SYN3: variants seen among roughly 807,000 people sequenced by gnomAD.
SYN3 encodes the protein synapsin III.
Under a neutral mutation model 65.8 loss-of-function variants are expected in SYN3, and 35 were observed. The ratio of observed to expected loss-of-function variants is 0.53; its 90% CI spans 0.41 to 0.70. The LOEUF is 0.70. SYN3 is among the 30% of genes least tolerant of loss of function. The probability of loss-of-function intolerance (pLI) is 0.00; values close to 1 mark genes in which losing one functional copy is unlikely to be tolerated. For missense variants in SYN3, 680 were observed against 749.0 expected (o/e 0.91, Z 1.08); for synonymous variants, 270 against 292.9 (o/e 0.92, Z 0.80).
At chr22:32,729,943 C>T (rs866549254) in intron 6 of SYN3, among the ~76,000 whole-genome samples, 4 of 152,226 alleles carry the variant, frequency 2.6e-5, no homozygotes, top group Middle Eastern at 3.4e-3. Context: ...AATAGTGTGC[C>T]CTAAACATAG....
rs199827385 is a variant in SYN3, at chr22:32,546,704, A to G, written c.775-4991T>C. ...TTATTTACTGGCTGGAAATCCCTCC[A>G]AGGGTTCACAAAGACAAGCTGAAAA... On this transcript the variant is annotated intron_variant, in intron 7 of 13. Coordinates refer to ENST00000358763, the MANE Select transcript of SYN3 (RefSeq NM_003490.4). 1.2e-4 allele frequency among the ~76,000 whole-genome samples: 18 copies of G among 152,214 alleles called. No individual in the cohort carries two copies. In the East Asian group the frequency reaches 3.5e-3, roughly 29 times the overall value.
At chr22:32,887,871 G>A (rs1190597786) in intron 4 of SYN3, among the ~76,000 whole-genome samples, 3 of 152,162 alleles carry the variant, frequency 2.0e-5, no homozygotes, top group Non-Finnish European at 4.4e-5. Flanking sequence ...AGGTCTAGAG[G>A]AGAATGGTTG....
intron 4 of SYN3, among the ~76,000 whole-genome samples, chr22:32,913,601 T>C (rs559321036): frequency 3.9e-5 from 6 of 152,180 alleles, no homozygotes; most frequent in Non-Finnish European, 8.8e-5. Context: ...GGGCAAGTTA[T>C]AGAAGCTCTG....
chr22:32,804,745 C>G (rs1022943188), intron 6 of SYN3, among the ~76,000 whole-genome samples: 2 of 152,190 alleles, frequency 1.3e-5, no homozygotes, highest in African/African-American at 2.4e-5. Context: ...GCCCTGCACC[C>G]TATGGAAGTG....
At chr22:32,523,950 AAAG>A (rs1181748242) in intron 12 of SYN3, among the ~76,000 whole-genome samples, 2 of 152,234 alleles carry the variant, frequency 1.3e-5, no homozygotes, top group African/African-American at 4.8e-5. Flanking sequence ...AGTGGTCTGG[AAAG>A]AAGATCAAAC....
chr22:32,882,986 T>A (rs1321507511), intron 4 of SYN3, among the ~76,000 whole-genome samples: 2 of 152,106 alleles, frequency 1.3e-5, no homozygotes, highest in African/African-American at 4.8e-5. Flanking sequence ...TCCTAGCAGT[T>A]GATTTACTTC....
chr22:32,524,130 T>C (rs2057936039), intron 12 of SYN3, among the ~76,000 whole-genome samples: 1 of 152,218 alleles, frequency 6.6e-6, no homozygotes, highest in Admixed American at 6.5e-5. Flanking sequence ...TAACAAAAAC[T>C]GCAAGGTGAA....
At chr22:32,631,582 T>C (rs2059748508) in intron 6 of SYN3, among the ~76,000 whole-genome samples, 1 of 152,206 alleles carries the variant, frequency 6.6e-6, no homozygotes, top group Admixed American at 6.5e-5. Flanking sequence ...AACTCTGGGC[T>C]TTTGAAAATG....
intron 12 of SYN3, among the ~76,000 whole-genome samples, chr22:32,521,850 G>A (rs5754127): frequency 9.9e-5 from 15 of 152,112 alleles, no homozygotes; most frequent in South Asian, 2.1e-4. Context: ...CCCCTGATTC[G>A]CCTCCCTTCC....
chr22:32,751,711 C>T (rs952710857), intron 6 of SYN3, among the ~76,000 whole-genome samples: 1 of 152,142 alleles, frequency 6.6e-6, no homozygotes, highest in African/African-American at 2.4e-5. Context: ...TCTGGGAGAC[C>T]TTGTGACAGG....
At chr22:32,750,861 G>A (rs1188518064) in intron 6 of SYN3, among the ~76,000 whole-genome samples, 1 of 152,098 alleles carries the variant, frequency 6.6e-6, no homozygotes, top group Non-Finnish European at 1.5e-5. Context: ...ACTTGGATGG[G>A]AAAGGCTGAG....
At chr22:33,005,503 G>A (rs2053174093) in intron 2 of SYN3, among the ~76,000 whole-genome samples, 1 of 152,204 alleles carries the variant, frequency 6.6e-6, no homozygotes, top group African/African-American at 2.4e-5. Flanking sequence ...CTATACCCAT[G>A]CATCTCAGCT....
chr22:32,543,054 C>A (rs1311049014), intron 7 of SYN3, among the ~76,000 whole-genome samples: 1 of 152,010 alleles, frequency 6.6e-6, no homozygotes, highest in Non-Finnish European at 1.5e-5. Context: ...TTGGTCTCGG[C>A]CACACCCCAT....
chr22:32,771,394 C>T (rs2045766502), intron 6 of SYN3, among the ~76,000 whole-genome samples: 1 of 152,232 alleles, frequency 6.6e-6, no homozygotes, highest in South Asian at 2.1e-4. Flanking sequence ...CCTAACCTCC[C>T]TGCCAGGCTC....
At chr22:32,966,964 T>C (rs1328225414) in intron 3 of SYN3, among the ~76,000 whole-genome samples, 1 of 152,120 alleles carries the variant, frequency 6.6e-6, no homozygotes, top group African/African-American at 2.4e-5. Context: ...GATTCTTCAG[T>C]TAAACTGACT....
At chr22:32,843,988 C>T (rs1005781443) in intron 6 of SYN3, among the ~76,000 whole-genome samples, 10 of 152,074 alleles carry the variant, frequency 6.6e-5, no homozygotes, top group African/African-American at 2.4e-4. Flanking sequence ...GAATCAACTC[C>T]TAAGTCATGG....
chr22:32,943,354 T>C (rs2050999438), intron 3 of SYN3, among the ~76,000 whole-genome samples: 1 of 152,148 alleles, frequency 6.6e-6, no homozygotes, highest in Admixed American at 6.5e-5. Context: ...CTAAGCTTCA[T>C]AAGTGAAGGA....
At chr22:32,568,252 C>G (rs1170656395) in intron 7 of SYN3, among the ~76,000 whole-genome samples, 1 of 152,206 alleles carries the variant, frequency 6.6e-6, no homozygotes, top group Non-Finnish European at 1.5e-5. Flanking sequence ...ACTCATTCCT[C>G]AAAACCCTAA....
At chr22:32,724,849 G>A (rs747709499) in intron 6 of SYN3, among the ~76,000 whole-genome samples, 5 of 152,148 alleles carry the variant, frequency 3.3e-5, no homozygotes, top group African/African-American at 4.8e-5. Context: ...GGCCGAGCGC[G>A]GTGGCTCACG....
Sources: gnomAD v4.1 joint callset for allele counts (sites outside exome capture counted in the v4.1 genomes callset) on GRCh38, gnomAD v4.1.1 for gene constraint, MANE v1.5 for transcripts, NCBI Gene and HGNC (gene_info 2026-07-23, HGNC 2026-07-21) for gene names.